The following CABLES1 variants were observed in gnomAD, a reference collection of about 807,000 sequenced individuals.
CABLES1 encodes CDK5 and ABL1 enzyme substrate 1.
A neutral mutation model predicts 57.8 loss-of-function variants in CABLES1; 36 were observed. That is an observed-to-expected ratio of 0.62 (90% CI 0.48 to 0.82). CABLES1 has a LOEUF of 0.82. Among genes scored for constraint, CABLES1 ranks in the 40% least tolerant of loss-of-function variants. The pLI, the probability that CABLES1 is intolerant of heterozygous loss-of-function variation, is 0.00. For synonymous variants in CABLES1, 374 were observed against 363.0 expected (o/e 1.03, Z -0.35); for missense variants, 767 against 836.6 (o/e 0.92, Z 1.03).
chr18:23,137,742 A>G (rs538176432), intron 1 of CABLES1, among the ~76,000 whole-genome samples: 3 of 152,308 alleles, frequency 2.0e-5, no homozygotes, highest in East Asian at 1.9e-4. Context: ...CTCATCCACA[A>G]GTTTGCCCCT....
At position 23,257,409 on chromosome 18, in the gene CABLES1, T is replaced by C. The variant is rs1182870571; in HGVS notation, c.*42T>C. 6.5e-7 allele frequency: 1 copy of C among 1,545,808 alleles called. No individual in the cohort carries two copies. The highest frequency in any genetic ancestry group is 2.3e-5 in the Admixed American group (1 of 43,596). On this transcript the variant is annotated 3_prime_UTR_variant, in exon 10 of 10. Coordinates refer to ENST00000256925, the MANE Select transcript of CABLES1 (RefSeq NM_001100619.3). ...AGCCAAGGGCCATTTCTTCTCAGCT[T>C]GGTGGAGCAGCACTTACTTACTACT...
intron 3 of CABLES1, chr18:23,204,284 A>G (rs1435251100): frequency 2.0e-5 from 3 of 152,256 alleles, no homozygotes; most frequent in South Asian, 4.1e-4. Context: ...CTCTTTAAAT[A>G]GCATGGAGGT....
At chr18:23,180,913 A>G (rs994297103) in intron 1 of CABLES1, among the ~76,000 whole-genome samples, 1 of 152,188 alleles carries the variant, frequency 6.6e-6, no homozygotes, top group Non-Finnish European at 1.5e-5. Flanking sequence ...CTGTAACAAA[A>G]AAGGGATTTT....
chr18:23,150,351 G>A (rs1430791624), intron 1 of CABLES1, among the ~76,000 whole-genome samples: 1 of 151,756 alleles, frequency 6.6e-6, no homozygotes, highest in Non-Finnish European at 1.5e-5. Context: ...TGGGACTACA[G>A]GTGCCCGCCA....
At chr18:23,195,564 G>A (rs2047276142) in intron 3 of CABLES1, among the ~76,000 whole-genome samples, 1 of 152,148 alleles carries the variant, frequency 6.6e-6, no homozygotes. Context: ...TCATTATCTT[G>A]AAGTTTATGC....
intron 7 of CABLES1, among the ~76,000 whole-genome samples, chr18:23,243,570 A>AT (rs1249469290): frequency 1.5e-5 from 2 of 137,210 alleles, no homozygotes; most frequent in African/African-American, 2.7e-5. Context: ...TTTACAATTC[A>AT]TTTTTTTCTC....
chr18:23,149,773 C>T (rs1330710331), intron 1 of CABLES1: 1 of 152,224 alleles, frequency 6.6e-6, no homozygotes, highest in Non-Finnish European at 1.5e-5. Context: ...CGGGGCCCAG[C>T]AATCTATTTC....
Position 23,253,084 on chromosome 18 carries a change from T to TG in CABLES1, c.1553+19dup. On this transcript the variant is annotated intron_variant, in intron 8 of 9. Coordinates refer to ENST00000256925, the MANE Select transcript of CABLES1 (RefSeq NM_001100619.3). Reference sequence around the variant, plus strand: ...ATTAGGAGGTACGGGAGGCTGGACTTGCCTGTGACCTTTCCCTGCAAACCC... The same window carrying TG: ...ATTAGGAGGTACGGGAGGCTGGACTTGGCCTGTGACCTTTCCCTGCAAACCC... 7 of 1,440,424 alleles carry TG rather than the reference T, an allele frequency of 4.9e-6. No homozygotes were observed. The highest frequency in any genetic ancestry group is 6.9e-6 in the Non-Finnish European group (7 of 1,021,772). 89.2% of individuals were successfully genotyped at this position (1,440,424 alleles called of 1,614,324 possible).
At chr18:23,251,147 G>A (rs1229155413) in intron 7 of CABLES1, among the ~76,000 whole-genome samples, 3 of 152,160 alleles carry the variant, frequency 2.0e-5, no homozygotes, top group Non-Finnish European at 4.4e-5. Context: ...CCTGAGCTTT[G>A]ACTGATTAAG....
Position 23,174,821 on chromosome 18 carries a change from CATATATATATATATATATATATAT to C in CABLES1, c.846-14000_846-13977del, listed in dbSNP as rs569579022. Among the ~76,000 whole-genome samples the C allele has an allele frequency of 7.9e-4, 75 of 94,566 alleles. 1 individual carries two copies. Among genetic ancestry groups the C allele is most frequent in the Middle Eastern group, 5.9e-3 (1 of 170 alleles). The allele number at this position is 94,566 out of a possible 152,430, so 62.0% of individuals were successfully genotyped here. On this transcript the variant is annotated intron_variant, in intron 1 of 9. Transcript: ENST00000256925. Reference sequence around the variant, plus strand: ...ATTTGTATGTATATACATGTTACACCATATATATATATATATATATATATATATATATATATATATGTTTTTTAA... The same window carrying C: ...ATTTGTATGTATATACATGTTACACCATATATATATATATATGTTTTTTAA...
intron 1 of CABLES1, among the ~76,000 whole-genome samples, chr18:23,167,220 A>T (rs1395637680): frequency 6.8e-6 from 1 of 147,954 alleles, no homozygotes; most frequent in African/African-American, 2.4e-5. Flanking sequence ...ATTAAATTTA[A>T]AAAAAAAATG....
chr18:23,254,783 G>T (rs1306280063), intron 9 of CABLES1, among the ~76,000 whole-genome samples: 1 of 152,152 alleles, frequency 6.6e-6, no homozygotes, highest in Non-Finnish European at 1.5e-5. Context: ...TTCACTCCAT[G>T]CCCAGGACCT....
intron 4 of CABLES1, among the ~76,000 whole-genome samples, chr18:23,231,173 A>G (rs918955560): frequency 6.6e-6 from 1 of 152,238 alleles, no homozygotes; most frequent in Non-Finnish European, 1.5e-5. Flanking sequence ...CTGAGTATCT[A>G]TGACTATATT....
intron 3 of CABLES1, among the ~76,000 whole-genome samples, chr18:23,210,109 A>C (rs1397857335): frequency 6.6e-6 from 1 of 152,180 alleles, no homozygotes; most frequent in African/African-American, 2.4e-5. Flanking sequence ...TGTGTACCCA[A>C]GATGCTTTGT....
rs533217155 is a variant in CABLES1, at chr18:23,207,670, T to A, written c.1011-6307T>A. Among the ~76,000 whole-genome samples, 235 of 152,088 alleles carry A rather than the reference T, an allele frequency of 1.5e-3. 1 individual carries two copies. The highest frequency in any genetic ancestry group is 2.6e-3 in the Non-Finnish European group (174 of 68,014). On this transcript the variant is annotated intron_variant, in intron 3 of 9. Transcript: ENST00000256925. The stretch of plus-strand genomic sequence containing the variant: ...CACCTAGTACAATGTCTGGCATGGA[T>A]TAAGTGCTCAGAAAATATTTGTGTG...
intron 1 of CABLES1, among the ~76,000 whole-genome samples, chr18:23,181,211 C>T (rs566529820): frequency 1.2e-4 from 18 of 152,206 alleles, no homozygotes; most frequent in African/African-American, 4.1e-4. Context: ...CTAGGCCAGC[C>T]GCGGTGTAAT....
At position 23,155,708 on chromosome 18, in the gene CABLES1, C is replaced by T. The variant is rs1299391190; in HGVS notation, c.845+19101C>T. 11 of 867,452 alleles carry T rather than the reference C, an allele frequency of 1.3e-5. No homozygotes were observed. The East Asian group carries it at 1.7e-4, about 13-fold the overall frequency. 53.7% of individuals were successfully genotyped at this position (867,452 alleles called of 1,614,324 possible). On this transcript the variant is annotated intron_variant, in intron 1 of 9. Coordinates refer to ENST00000256925, the MANE Select transcript of CABLES1 (RefSeq NM_001100619.3). ...GCGGCAGGACCTCATGTGGTCTCCA[C>T]GTGGCAGGATCCTAGAATCACGGGG...
intron 1 of CABLES1, among the ~76,000 whole-genome samples, chr18:23,163,355 T>C (rs2047018165): frequency 6.6e-6 from 1 of 152,054 alleles, no homozygotes. Context: ...CATCAGTATG[T>C]AGATGATGTT....
At chr18:23,179,701 T>A (rs1313514628) in intron 1 of CABLES1, among the ~76,000 whole-genome samples, 1 of 152,246 alleles carries the variant, frequency 6.6e-6, no homozygotes, top group Non-Finnish European at 1.5e-5. Flanking sequence ...AGGGCCATGC[T>A]TACTTTCATC....
Sources: gnomAD v4.1 joint callset for allele counts (sites outside exome capture counted in the v4.1 genomes callset) on GRCh38, gnomAD v4.1.1 for gene constraint, MANE v1.5 for transcripts, NCBI Gene and HGNC (gene_info 2026-07-23, HGNC 2026-07-21) for gene names.